CHST12: variants seen among roughly 807,000 people sequenced by gnomAD.
CHST12 encodes the protein carbohydrate (chondroitin 4) sulfotransferase 12.
A neutral mutation model predicts 27.9 loss-of-function variants in CHST12; 23 were observed. That is an observed-to-expected ratio of 0.82 (90% confidence interval 0.59 to 1.17). CHST12 has a LOEUF of 1.17. Ranked by LOEUF, CHST12 falls within the 50% of genes most tolerant of loss-of-function variation. CHST12 has a pLI of 0.00. For missense variants in CHST12, 682 were observed against 603.0 expected (o/e 1.13, Z -1.37); for synonymous variants, 322 against 273.0 (o/e 1.18, Z -1.77).
intron 1 of CHST12, among the ~76,000 whole-genome samples, chr7:2,429,532 ATTTCT>A (rs757082712): frequency 1.4e-4 from 22 of 152,238 alleles, no homozygotes; most frequent in Non-Finnish European, 3.1e-4. Context: ...GGGCCCAGAG[ATTTCT>A]TTTTAAGGAG....
rs924356715 is a variant in CHST12 at position 2,441,168 on chromosome 7, G to A, written c.*7284G>A. 7.2e-5 allele frequency: 11 copies of A among 152,314 alleles called. No homozygotes were observed. The highest frequency in any genetic ancestry group is 1.7e-4 in the African/African-American group (7 of 41,412). The allele number at this position is 152,314 out of a possible 1,614,324, so 9.4% of individuals were successfully genotyped here. On this transcript the variant is annotated 3_prime_UTR_variant, in exon 2 of 2. Coordinates refer to ENST00000618655, the MANE Select transcript of CHST12 (RefSeq NM_018641.5). Reference sequence around the variant, plus strand: ...AGCAGAGCAAGAGGGAGGAGCGCGTGGAGCCCTATGTGGCCTGCGATATTG... The same window carrying A: ...AGCAGAGCAAGAGGGAGGAGCGCGTAGAGCCCTATGTGGCCTGCGATATTG...
chr7:2,410,225 C>A (rs907653829), intron 1 of CHST12, among the ~76,000 whole-genome samples: 4 of 152,220 alleles, frequency 2.6e-5, no homozygotes, highest in African/African-American at 9.6e-5. Context: ...TAGAACATCA[C>A]CTCTTTCTTG....
At position 2,432,771 on chromosome 7, in the gene CHST12, C is replaced by T. The variant is rs764487296; in HGVS notation, c.132C>T (p.His44=). The change falls in exon 2 of 2, where the codon CAC becomes CAT. Residue 44 remains histidine (H), a synonymous_variant. Coordinates refer to ENST00000618655, the MANE Select transcript of CHST12 (RefSeq NM_018641.5). The part of the protein sequence containing the change: ...FYLHTSFSRP[H]TGPPLPTPGP... Reference sequence around the variant, plus strand: ...TGCACACGTCCTTCTCTAGGCCGCACACGGGGCCGCCGCTGCCCACGCCCG... The same window carrying T: ...TGCACACGTCCTTCTCTAGGCCGCATACGGGGCCGCCGCTGCCCACGCCCG... 1 of 1,613,696 alleles carries T rather than the reference C, an allele frequency of 6.2e-7. No individual in the cohort carries two copies. Among genetic ancestry groups the T allele is most frequent in the South Asian group, 1.1e-5 (1 of 91,072 alleles).
intron 1 of CHST12, among the ~76,000 whole-genome samples, chr7:2,406,387 T>C (rs113982705): frequency 6.3e-4 from 41 of 65,056 alleles, no homozygotes; most frequent in Middle Eastern, 0.012. Context: ...CAGTTGAGTA[T>C]GGGGTGGGGG....
At chr7:2,422,127 C>T (rs11762300) in intron 1 of CHST12, among the ~76,000 whole-genome samples, 4,823 of 152,270 alleles carry the variant, frequency 0.032, 110 homozygotes, top group Non-Finnish European at 0.052. Flanking sequence ...CTGCCTATGT[C>T]GGCGATGTGA....
At chr7:2,416,665 A>C (rs1289516501) in intron 1 of CHST12, among the ~76,000 whole-genome samples, 2 of 152,226 alleles carry the variant, frequency 1.3e-5, no homozygotes, top group African/African-American at 4.8e-5. Context: ...AACACAAGTC[A>C]TTGTAGGATC....
chr7:2,422,146 C>G (rs1781991093), intron 1 of CHST12, among the ~76,000 whole-genome samples: 2 of 152,316 alleles, frequency 1.3e-5, no homozygotes, highest in South Asian at 4.1e-4. Context: ...GACTGACTCC[C>G]CTGCAGCTTC....
At chr7:2,410,330 A>AGT (rs1247906668) in intron 1 of CHST12, among the ~76,000 whole-genome samples, 1 of 152,130 alleles carries the variant, frequency 6.6e-6, no homozygotes, top group African/African-American at 2.4e-5. Flanking sequence ...GCAGGAAGAC[A>AGT]GTGAGTGGAT....
intron 1 of CHST12, among the ~76,000 whole-genome samples, chr7:2,413,418 C>T (rs1053384036): frequency 3.9e-5 from 6 of 152,206 alleles, no homozygotes; most frequent in South Asian, 2.1e-4. Flanking sequence ...TGCAATAAAA[C>T]GTACCCATTT....
chr7:2,403,894 C>T (rs1368467444), intron 1 of CHST12, among the ~76,000 whole-genome samples: 6 of 152,120 alleles, frequency 3.9e-5, no homozygotes, highest in Admixed American at 1.3e-4. Context: ...GAGCCCCGCT[C>T]GTCGTCCTCG....
intron 1 of CHST12, among the ~76,000 whole-genome samples, chr7:2,429,432 T>C (rs1395209165): frequency 1.3e-5 from 2 of 152,178 alleles, no homozygotes; most frequent in African/African-American, 2.4e-5. Flanking sequence ...GAGTTGGACA[T>C]GTCCTCTCTT....
At position 2,426,999 on chromosome 7, in the gene CHST12, AAAAG is replaced by A. The variant is rs554948469; in HGVS notation, c.-77-5562_-77-5559del. The stretch of plus-strand genomic sequence containing the variant: ...CAGCGAGACCCTGTCTCACAAAAGA[AAAAG>A]AGAGAGAGAGAGAGACATATAAATG... On this transcript the variant is annotated intron_variant, in intron 1 of 1. Coordinates refer to ENST00000618655, the MANE Select transcript of CHST12 (RefSeq NM_018641.5). 3.5e-4 allele frequency among the ~76,000 whole-genome samples: 53 copies of A among 151,118 alleles called. No individual in the cohort carries two copies. The East Asian group carries it at 7.2e-3, about 21-fold the overall frequency.
chr7:2,422,808 A>G (rs1782012229), intron 1 of CHST12, among the ~76,000 whole-genome samples: 2 of 151,450 alleles, frequency 1.3e-5, no homozygotes, highest in Non-Finnish European at 2.9e-5. Flanking sequence ...TGCTGGGATT[A>G]CAGGAGAGAG....
intron 1 of CHST12, among the ~76,000 whole-genome samples, chr7:2,424,371 C>T (rs555282165): frequency 2.3e-4 from 35 of 152,278 alleles, no homozygotes; most frequent in Middle Eastern, 3.4e-3. Flanking sequence ...TAAGAATCCA[C>T]AGAAGTTGCA....
intron 1 of CHST12, among the ~76,000 whole-genome samples, chr7:2,420,124 T>C (rs576128321): frequency 4.0e-5 from 6 of 151,836 alleles, no homozygotes; most frequent in Admixed American, 6.6e-5. Flanking sequence ...CAGGCGCCCG[T>C]CAGCATGCCC....
At chr7:2,409,424 G>A (rs1781607086) in intron 1 of CHST12, among the ~76,000 whole-genome samples, 1 of 152,122 alleles carries the variant, frequency 6.6e-6, no homozygotes, top group African/African-American at 2.4e-5. Context: ...AGACCAGCCT[G>A]GGCAACATGG....
rs898291695 is a variant in CHST12, at chr7:2,434,110, CCACCCGCCCGCCCGCT to C, written c.*228_*243del. On this transcript the variant is annotated 3_prime_UTR_variant, in exon 2 of 2. Coordinates refer to ENST00000618655, the MANE Select transcript of CHST12 (RefSeq NM_018641.5). ...AATATCCCCTCTCCCCTCCGCCCGC[CCACCCGCCCGCCCGCT>C]CGCCCGCTCGCCCGCTCCTGTGGTT... The C allele has an allele frequency of 1.1e-5, 4 of 378,844 alleles. No individual in the cohort carries two copies. The highest frequency in any genetic ancestry group is 2.7e-5 in the African/African-American group (1 of 37,148). The allele number at this position is 378,844 out of a possible 1,614,324, so 23.5% of individuals were successfully genotyped here. A position where few individuals can be genotyped will look rare whatever the true frequency, so the allele number is the denominator to read the frequency against.
chr7:2,403,908 A>T (rs1281978108), intron 1 of CHST12, among the ~76,000 whole-genome samples: 6 of 151,956 alleles, frequency 3.9e-5, no homozygotes. Flanking sequence ...GTCCTCGGCC[A>T]GGGGGACCCA....
rs1583210460 is a variant in CHST12 at position 2,413,524 on chromosome 7, C to T, written c.-78+9851C>T. ...GCATTTCCATCGCCCCGAGTTTCTG[C>T]GTGCTCCTCTGCAGTCTATGATTTT... is the stretch of plus-strand genomic sequence containing the variant. On this transcript the variant is annotated intron_variant, in intron 1 of 1. Transcript: ENST00000618655. 2.0e-5 allele frequency among the ~76,000 whole-genome samples: 3 copies of T among 152,094 alleles called. No individual in the cohort carries two copies. The East Asian group carries it at 5.8e-4, about 29-fold the overall frequency.
Sources: gnomAD v4.1 joint callset for allele counts (sites outside exome capture counted in the v4.1 genomes callset) on GRCh38, gnomAD v4.1.1 for gene constraint, MANE v1.5 for transcripts, NCBI Gene and HGNC (gene_info 2026-07-23, HGNC 2026-07-21) for gene names.